Variants in GLRA1 observed in about 807,000 individuals in gnomAD.
GLRA1 encodes the protein glycine receptor subunit alpha-1.
Under a neutral mutation model 48.3 loss-of-function variants are expected in GLRA1, and 37 were observed. That is an observed-to-expected ratio of 0.77 (90% CI 0.59 to 1.01). The LOEUF (loss-of-function observed/expected upper bound fraction) is 1.01. Ranked by LOEUF, GLRA1 falls within the 50% of genes least tolerant of loss-of-function variation. The probability of loss-of-function intolerance (pLI) is 0.00; values close to 1 mark genes in which losing one functional copy is unlikely to be tolerated. For synonymous variants in GLRA1, 196 were observed against 210.7 expected, an observed-to-expected ratio of 0.93 and a Z score of 0.60; for missense variants, 427 against 571.0, an observed-to-expected ratio of 0.75 and a Z score of 2.57.
intron 7 of GLRA1, chr5:151,850,170 G>A: frequency 6.2e-7 from 1 of 1,603,590 alleles, no homozygotes; most frequent in Non-Finnish European, 8.5e-7. Flanking sequence ...CTGCAGTGTG[G>A]GAGCAGGCAA....
chr5:151,910,669 C>G (rs1176513417), intron 1 of GLRA1, among the ~76,000 whole-genome samples: 3 of 152,128 alleles, frequency 2.0e-5, no homozygotes, highest in Non-Finnish European at 4.4e-5. Flanking sequence ...TTTCAGTTTC[C>G]TCAACTATAA....
At chr5:151,867,147 A>G (rs1753359557) in intron 3 of GLRA1, among the ~76,000 whole-genome samples, 1 of 152,082 alleles carries the variant, frequency 6.6e-6, no homozygotes. Flanking sequence ...ATAAATAAAT[A>G]CTTTTAACAA....
At chr5:151,860,774 C>T (rs1057387309) in intron 3 of GLRA1, among the ~76,000 whole-genome samples, 16 of 152,080 alleles carry the variant, frequency 1.1e-4, no homozygotes, top group African/African-American at 2.9e-4. Context: ...ATGTGCACAA[C>T]GTGCAGGTTT....
intron 2 of GLRA1, among the ~76,000 whole-genome samples, chr5:151,888,551 T>C (rs1214131000): frequency 6.6e-6 from 1 of 152,216 alleles, no homozygotes; most frequent in Admixed American, 6.5e-5. Context: ...GGAAGGTTTC[T>C]TAAAGGTCAC....
intron 1 of GLRA1, among the ~76,000 whole-genome samples, chr5:151,893,009 T>C (rs184614921): frequency 2.6e-5 from 4 of 152,312 alleles, no homozygotes; most frequent in Admixed American, 2.6e-4. Context: ...ACTTATGGGA[T>C]CACTGTCTCA....
intron 4 of GLRA1, among the ~76,000 whole-genome samples, chr5:151,858,193 G>T (rs531554298): frequency 6.6e-6 from 1 of 152,194 alleles, no homozygotes; most frequent in African/African-American, 2.4e-5. Context: ...AGCTCTGGAT[G>T]TGGGCCCCTT....
chr5:151,875,195 G>A (rs988450988), intron 3 of GLRA1, among the ~76,000 whole-genome samples: 1 of 152,076 alleles, frequency 6.6e-6, no homozygotes, highest in African/African-American at 2.4e-5. Context: ...AAAAAAGTTG[G>A]GGTCTTGCTT....
At chr5:151,855,569 C>T (rs1361585059) in intron 5 of GLRA1, among the ~76,000 whole-genome samples, 10 of 152,160 alleles carry the variant, frequency 6.6e-5, no homozygotes, top group African/African-American at 1.7e-4. Context: ...CTGGGGTAGA[C>T]GGGGGAAAGT....
intron 5 of GLRA1, 63 bp downstream of exon 5, chr5:151,856,238 C>T (rs2113351901): frequency 9.1e-7 from 1 of 1,101,792 alleles, no homozygotes; most frequent in South Asian, 1.3e-5. Context: ...GTGGGAATTT[C>T]TGCCTATCCC....
chr5:151,825,002 T>A (rs1006665238), intron 8 of GLRA1, among the ~76,000 whole-genome samples: 4 of 152,174 alleles, frequency 2.6e-5, no homozygotes, highest in African/African-American at 9.7e-5. Context: ...ACCAGAAGGG[T>A]TTGAGACATA....
chr5:151,884,061 G>A (rs1753833805), intron 3 of GLRA1, among the ~76,000 whole-genome samples: 1 of 152,158 alleles, frequency 6.6e-6, no homozygotes, highest in Admixed American at 6.5e-5. Context: ...TGGGGCTGCA[G>A]TGTCAAGAGT....
intron 3 of GLRA1, among the ~76,000 whole-genome samples, chr5:151,865,719 C>T (rs1034968235): frequency 2.0e-5 from 3 of 152,112 alleles, no homozygotes; most frequent in African/African-American, 7.2e-5. Context: ...AAATCCATCT[C>T]TTTGTATTTC....
At chr5:151,916,887 G>A (rs1296643023) in intron 1 of GLRA1, among the ~76,000 whole-genome samples, 1 of 152,108 alleles carries the variant, frequency 6.6e-6, no homozygotes, top group Admixed American at 6.5e-5. Flanking sequence ...ACCAGTTTGG[G>A]GATAGGGATA....
intron 1 of GLRA1, among the ~76,000 whole-genome samples, chr5:151,915,410 CAT>C (rs768529596): frequency 6.0e-4 from 91 of 152,254 alleles, no homozygotes; most frequent in Middle Eastern, 6.8e-3. Flanking sequence ...AGAAATACCA[CAT>C]GTTTTCATAA....
intron 7 of GLRA1, among the ~76,000 whole-genome samples, chr5:151,848,555 T>G (rs891434217): frequency 1.3e-5 from 2 of 152,064 alleles, no homozygotes; most frequent in African/African-American, 4.8e-5. Context: ...TTTCTGTCTT[T>G]TGGGGCAGAA....
chr5:151,864,978 C>A (rs1473884142), intron 3 of GLRA1, among the ~76,000 whole-genome samples: 1 of 152,166 alleles, frequency 6.6e-6, no homozygotes, highest in East Asian at 1.9e-4. Flanking sequence ...GATCACACAA[C>A]AATTCAGTAA....
chr5:151,850,087 C>A (rs1024850220), intron 7 of GLRA1: 4 of 1,603,968 alleles, frequency 2.5e-6, no homozygotes, highest in Non-Finnish European at 3.4e-6. Context: ...CAGGAATATA[C>A]CCTCATGGGG....
Position 151,851,541 on chromosome 5 carries a change from T to C in GLRA1, c.761A>G (p.Gln254Arg). 1 of 1,614,004 alleles carries C rather than the reference T, an allele frequency of 6.2e-7. No homozygotes were observed. Among genetic ancestry groups the C allele is most frequent in the Non-Finnish European group, 8.5e-7 (1 of 1,179,890 alleles). The change falls in exon 7 of 9, where the codon CAG becomes CGG. Residue 254 changes from glutamine to arginine, a missense_variant. Transcript: ENST00000274576. ...AATGAGCAGGCTGGGAATATACATC[T>C]GAATCAGGTAGTAACCCATCTGCCG... ...LERQMGYYLI[Q>R]MYIPSLLIVI...
intron 1 of GLRA1, among the ~76,000 whole-genome samples, chr5:151,924,209 T>C (rs925914607): frequency 6.7e-6 from 1 of 150,216 alleles, no homozygotes; most frequent in Middle Eastern, 3.2e-3. Context: ...TAGTGGGGGG[T>C]GTAGCAGACA....
Sources: gnomAD v4.1 joint callset for allele counts (sites outside exome capture counted in the v4.1 genomes callset) on GRCh38, gnomAD v4.1.1 for gene constraint, MANE v1.5 for transcripts, NCBI Gene and HGNC (gene_info 2026-07-23, HGNC 2026-07-21) for gene names.